Variants in IRX4 observed in about 807,000 individuals in gnomAD.
The protein encoded by IRX4 is iroquois homeobox 4.
Under a neutral mutation model 32.0 loss-of-function variants are expected in IRX4, and 22 were observed. That is an observed-to-expected ratio of 0.69 (90% CI 0.49 to 0.98). The LOEUF is 0.98. IRX4 is among the 50% of genes least tolerant of loss of function. The pLI is 0.00. For missense variants in IRX4, 840 were observed against 744.2 expected, an observed-to-expected ratio of 1.13 and a Z score of -1.50; for synonymous variants, 379 against 351.7, an observed-to-expected ratio of 1.08 and a Z score of -0.87.
rs546936608 is a variant in IRX4 at position 1,878,207 on chromosome 5, C to A, written c.1322G>T (p.Gly441Val). The change falls in exon 5 of 5, where the codon GGG (glycine) becomes GTG (valine). Residue 441 changes from glycine to valine, a missense_variant. By Grantham distance (109) the Gly-to-Val change is moderately radical. This residue lies in a region of IRX4 where 585 missense variants were observed against 488.0 expected (regional missense o/e 1.20). Coordinates refer to ENST00000231357, the MANE Select transcript of IRX4 (RefSeq NM_016358.3). ...CCTGAGGATGGGGTCGTGGAAGACC[C>A]CGTCCACCCAGTTTCTGAGACTGGT... ...PVTSLRNWVD[G>V]VFHDPILRHS... is the part of the protein sequence containing the mutation. 5.0e-6 allele frequency: 8 copies of A among 1,599,926 alleles called. No individual in the cohort carries two copies. In the African/African-American group the frequency reaches 1.1e-4, roughly 21 times the overall value.
Position 1,878,523 on chromosome 5 carries a change from G to T in IRX4, c.1006C>A (p.Pro336Thr). 3 of 1,439,304 alleles carry T rather than the reference G, an allele frequency of 2.1e-6. No individual in the cohort carries two copies. The highest frequency in any genetic ancestry group is 2.7e-6 in the Non-Finnish European group (3 of 1,103,722). 89.2% of individuals were successfully genotyped at this position (1,439,304 alleles called of 1,614,324 possible). A position where few individuals can be genotyped will look rare whatever the true frequency, so the allele number is the denominator to read the frequency against. ...GGGCCGCCCTCTGCGCCCGGCAGTG[G>T]CTCCGGCCCGGCCGCCGCGCTGCGG... Reference protein sequence around the residue: ...CLRSAAAGPEPLPGAEGGPQV... With the variant: ...CLRSAAAGPETLPGAEGGPQV... The change falls in exon 5 of 5, where the codon CCA becomes ACA. Residue 336 changes from proline (P) to threonine (T), a missense_variant. This residue lies in a region of IRX4 where 585 missense variants were observed against 488.0 expected (regional missense o/e 1.20). Coordinates refer to ENST00000231357, the MANE Select transcript of IRX4 (RefSeq NM_016358.3).
rs959259122 is a variant in IRX4 at position 1,880,937 on chromosome 5, T to C, written c.298-103A>G. ...CTCCCAAAGGCTTGGCAAGGATTCC[T>C]GGGCAGCCCTACGCCCCGGCAGGAA... On this transcript the variant is annotated intron_variant, in intron 2 of 4. Transcript: ENST00000231357. The C allele has an allele frequency of 3.4e-5, 31 of 900,102 alleles. No homozygotes were observed. In the African/African-American group the frequency reaches 4.4e-4, roughly 13 times the overall value. The allele number at this position is 900,102 out of a possible 1,614,324, so 55.8% of individuals were successfully genotyped here. A position where few individuals can be genotyped will look rare whatever the true frequency, so the allele number is the denominator to read the frequency against.
At chr5:1,882,114 TGG>T (rs1735470969) in intron 1 of IRX4, 55 bp from the exon 2 acceptor site, 2 of 1,515,256 alleles carry the variant, frequency 1.3e-6, no homozygotes, top group Non-Finnish European at 1.8e-6. Context: ...GCTGGGGCCC[TGG>T]GCCTTGCCAA....
upstream of IRX4, chr5:1,884,102 AAGGGGGCG>A (rs1249118085): frequency 3.4e-5 from 1 of 29,312 alleles, no homozygotes; most frequent in Non-Finnish European, 7.6e-5. Context: ...AGCAGGCGGC[AAGGGGGCG>A]GCAAGGGGGC....
At position 1,882,085 on chromosome 5, in the gene IRX4, G is replaced by A. The variant is rs1161884192; in HGVS notation, c.46-26C>T. 2.6e-6 allele frequency: 4 copies of A among 1,541,738 alleles called. No homozygotes were observed. In the Admixed American group the frequency reaches 7.9e-5, roughly 30 times the overall value. On this transcript the variant is annotated intron_variant, in intron 1 of 4. Transcript: ENST00000231357. ...CTGCAGAGAGAGGCCGCGAGGACTG[G>A]CGGGAAGCCGGGCTGGAGGCTGGGG... is the stretch of plus-strand genomic sequence containing the variant.
rs1284252012 is a variant in IRX4 at position 1,881,828 on chromosome 5, C to G, written c.277G>C (p.Ala93Pro). ...YGNYVTYGSE[A>P]SAFYSLNSFD... ...CTTACCAGCGAGTAGAAGGCGGACG[C>G]CTCCGAGCCGTAGGTCACGTAGTTG... is the stretch of plus-strand genomic sequence containing the variant. The change falls in exon 2 of 5, where the codon GCG becomes CCG. Residue 93 changes from alanine to proline, a missense_variant. Physicochemically the swap from Ala to Pro is conservative, Grantham distance 27 (BLOSUM62 -1). Coordinates refer to ENST00000231357, the MANE Select transcript of IRX4 (RefSeq NM_016358.3). 1.2e-5 allele frequency: 19 copies of G among 1,565,168 alleles called. No homozygotes were observed. The highest frequency in any genetic ancestry group is 1.6e-5 in the Non-Finnish European group (19 of 1,156,032).
In IRX4 at chr5:1,882,772, G is replaced by T; in HGVS notation, c.-125C>A. 1.8e-6 allele frequency: 1 copy of T among 549,828 alleles called. No homozygotes were observed. The highest frequency in any genetic ancestry group is 4.5e-5 in the South Asian group (1 of 22,022). The allele number at this position is 549,828 out of a possible 1,614,324, so 34.1% of individuals were successfully genotyped here. On this transcript the variant is annotated 5_prime_UTR_variant, in exon 1 of 5. Coordinates refer to ENST00000231357, the MANE Select transcript of IRX4 (RefSeq NM_016358.3). ...GCTGGGAGGGCGAAGCAGGAGAGCC[G>T]GTTAGTCCATCCCCGCGCTCCGCAA... is the stretch of plus-strand genomic sequence containing the variant.
upstream of IRX4, among the ~76,000 whole-genome samples, chr5:1,883,414 A>G (rs1255160787): frequency 6.6e-6 from 1 of 152,120 alleles, no homozygotes; most frequent in Admixed American, 6.5e-5. Context: ...GGCGCCCCGC[A>G]CGCGTCTCGT....
In IRX4 at chr5:1,878,272, G is replaced by C. The variant is rs1289048840; in HGVS notation, c.1257C>G (p.Pro419=). ...GGTGCCTGTCCAGGGCGCCAGAGTG[G>C]GGAAGGGCCACAGACGGGGACGTGG... ...APATSPSVAL[P]HSGALDRHQD... Residue 419 remains proline (P), a synonymous_variant, in exon 5 of 5, where the codon CCC becomes CCG. Transcript: ENST00000231357. The C allele has an allele frequency of 1.2e-6, 2 of 1,601,872 alleles. No homozygotes were observed. The highest frequency in any genetic ancestry group is 2.2e-5 in the East Asian group (1 of 44,450).
At chr5:1,881,656 C>T in intron 2 of IRX4, 152 bp downstream of exon 2, 1 of 960,404 alleles carries the variant, frequency 1.0e-6, no homozygotes, top group Non-Finnish European at 1.6e-6. Context: ...CTGAGGGTCT[C>T]GGCTGGGAGG....
In IRX4 at chr5:1,877,989, C is replaced by T. The variant is rs1311896009; in HGVS notation, c.1540G>A (p.Gly514Ser). The T allele has an allele frequency of 2.7e-6, 4 of 1,503,222 alleles. No individual in the cohort carries two copies. Among genetic ancestry groups the T allele is most frequent in the Middle Eastern group, 4.6e-4 (2 of 4,310 alleles). The allele number at this position is 1,503,222 out of a possible 1,614,324, so 93.1% of individuals were successfully genotyped here. A position where few individuals can be genotyped will look rare whatever the true frequency, so the allele number is the denominator to read the frequency against. ...RELLALPKAG[G>S]KPFCA ...CCGCCTCAGGCGCAGAAGGGTTTGCCGCCGGCCTTGGGCAGGGCGAGCAGC... is the reference window on the plus strand; with the variant it reads ...CCGCCTCAGGCGCAGAAGGGTTTGCTGCCGGCCTTGGGCAGGGCGAGCAGC... The change falls in exon 5 of 5, where the codon GGC (glycine) becomes AGC (serine). Residue 514 changes from glycine (G) to serine (S), a missense_variant. Around this residue, in one of 3 missense-constraint regions of IRX4, gnomAD observed 585 missense variants for 488.0 expected, o/e 1.20. Coordinates refer to ENST00000231357, the MANE Select transcript of IRX4 (RefSeq NM_016358.3).
At chr5:1,886,378 G>T (rs1735630820), upstream of IRX4, among the ~76,000 whole-genome samples, 1 of 152,236 alleles carries the variant, frequency 6.6e-6, no homozygotes, top group South Asian at 2.1e-4. Context: ...GAGACCTTGG[G>T]GGCGCCTGTG....
In IRX4 at chr5:1,879,660, C is replaced by A. The variant is rs778244420; in HGVS notation, c.580G>T (p.Ala194Ser). 1.2e-6 allele frequency: 2 copies of A among 1,614,196 alleles called. No homozygotes were observed. The highest frequency in any genetic ancestry group is 8.5e-7 in the Non-Finnish European group (1 of 1,180,028). Residue 194 changes from alanine (A) to serine (S), a missense_variant, in exon 4 of 5, where the codon GCC becomes TCC. Ala to Ser is a moderately conservative substitution (Grantham distance 99). Transcript: ENST00000231357. Reference protein sequence around the residue: ...MTLTQVSTWFANARRRLKKEN... With the variant: ...MTLTQVSTWFSNARRRLKKEN... ...TTCTTGAGGCGCCGGCGCGCGTTGG[C>A]GAACCAGGTGGAGACCTGTGTGAGG...
chr5:1,885,480 C>T (rs528895280), upstream of IRX4, among the ~76,000 whole-genome samples: 3 of 152,302 alleles, frequency 2.0e-5, no homozygotes, highest in South Asian at 4.1e-4. Flanking sequence ...TTTCCCAGGC[C>T]GCCGCACACA....
intron 3 of IRX4, chr5:1,880,127 C>T (rs562375260): frequency 1.7e-4 from 266 of 1,535,592 alleles, no homozygotes; most frequent in Admixed American, 1.8e-4. Flanking sequence ...TGGGGATGAC[C>T]GCCTAGCCGT....
chr5:1,885,355 C>A (rs967494451), upstream of IRX4, among the ~76,000 whole-genome samples: 3 of 152,208 alleles, frequency 2.0e-5, no homozygotes, highest in Non-Finnish European at 2.9e-5. Context: ...ACCACCACCG[C>A]CACCTTCTCC....
chr5:1,884,221 G>GT (rs1396700744), upstream of IRX4: 3 of 152,302 alleles, frequency 2.0e-5, no homozygotes, highest in African/African-American at 7.2e-5. Flanking sequence ...GCCTCCCGTG[G>GT]TAAGTTGGGA....
upstream of IRX4, among the ~76,000 whole-genome samples, chr5:1,885,296 A>G (rs1735592345): frequency 6.6e-6 from 1 of 152,122 alleles, no homozygotes; most frequent in African/African-American, 2.4e-5. Context: ...AGCAGCCTCC[A>G]CTTCCCAGGG....
chr5:1,879,182 G>A (rs367661342), intron 4 of IRX4, among the ~76,000 whole-genome samples: 224 of 152,070 alleles, frequency 1.5e-3, no homozygotes, highest in African/African-American at 5.1e-3. Flanking sequence ...TAGTAGAAAC[G>A]AGGTTTCACC....
Sources: gnomAD v4.1 joint callset for allele counts (sites outside exome capture counted in the v4.1 genomes callset) on GRCh38, gnomAD v4.1.1 for gene constraint, gnomAD v4.1.1 regional missense constraint, MANE v1.5 for transcripts, NCBI Gene and HGNC (gene_info 2026-07-23, HGNC 2026-07-21) for gene names.